The following PGAP4 variants were observed in gnomAD, a reference collection of about 807,000 sequenced individuals.
The protein encoded by PGAP4 is GPI-N-acetylgalactosamine transferase PGAP4.
PGAP4 carries 12 observed loss-of-function variants against 28.2 expected under a neutral mutation model. The ratio of observed to expected loss-of-function variants is 0.42; its 90% CI spans 0.27 to 0.69. The LOEUF (loss-of-function observed/expected upper bound fraction) is 0.69, where lower values mean the gene tolerates loss of function less well. Ranked by LOEUF, PGAP4 falls within the 30% of genes least tolerant of loss-of-function variation. PGAP4 has a pLI of 0.22. For synonymous variants in PGAP4, 205 were observed against 211.8 expected (o/e 0.97, Z 0.28); for missense variants, 425 against 513.5 (o/e 0.83, Z 1.67).
intron 2 of PGAP4, among the ~76,000 whole-genome samples, chr9:101,529,096 TG>T (rs1564103552): frequency 6.6e-6 from 1 of 151,974 alleles, no homozygotes. Context: ...GCTGCATCCA[TG>T]TCCCTGCAAA....
upstream of PGAP4, among the ~76,000 whole-genome samples, chr9:101,490,892 T>A (rs1365514978): frequency 6.6e-6 from 1 of 152,212 alleles, no homozygotes; most frequent in Non-Finnish European, 1.5e-5. Flanking sequence ...CCTGGATGTC[T>A]GAATTCTCGC....
intron 2 of PGAP4, among the ~76,000 whole-genome samples, chr9:101,520,679 T>G (rs1009005768): frequency 2.0e-5 from 3 of 152,296 alleles, no homozygotes; most frequent in Admixed American, 1.3e-4. Context: ...ACAGTTTGAC[T>G]TCCTCTTTAC....
Position 101,476,121 on chromosome 9 carries a change from G to A in PGAP4, c.972C>T (p.Tyr324=), listed in dbSNP as rs768791245. The A allele has an allele frequency of 2.5e-6, 4 of 1,614,060 alleles. No homozygotes were observed. In the South Asian group the frequency reaches 3.3e-5, roughly 13 times the overall value. ...AACACTGAGAGGCAGGAACCACACT[G>A]TACAGGGAAGGACTCAGCCGCCGCA... ...LELRRLSPSL[Y]SVVPASQCCT... is the part of the protein sequence containing the mutation. The change falls in exon 2 of 2, where the codon TAC becomes TAT. Residue 324 remains tyrosine (Y), a synonymous_variant. Coordinates refer to ENST00000374848, the MANE Select transcript of PGAP4 (RefSeq NM_032342.3). This position sits in a 1 kb window ranked among gnomAD's most constrained non-coding sequence, Gnocchi z 7.0.
intron 2 of PGAP4, among the ~76,000 whole-genome samples, chr9:101,498,637 T>A (rs1448961291): frequency 6.6e-6 from 1 of 151,954 alleles, no homozygotes; most frequent in Admixed American, 6.6e-5. Flanking sequence ...AAATACTACA[T>A]GTTAACTGTA....
intron 2 of PGAP4, among the ~76,000 whole-genome samples, chr9:101,523,550 A>G (rs1444697417): frequency 1.0e-5 from 1 of 97,390 alleles, no homozygotes; most frequent in East Asian, 3.6e-4. Flanking sequence ...AAGTTTCCTG[A>G]ATTTTTCATT....
chr9:101,510,749 C>A (rs1380457684), intron 2 of PGAP4, among the ~76,000 whole-genome samples: 1 of 152,036 alleles, frequency 6.6e-6, no homozygotes, highest in Admixed American at 6.6e-5. Flanking sequence ...GTACACAATG[C>A]GGGAAAGAGT....
chr9:101,499,995 C>T (rs1026172003), intron 2 of PGAP4, among the ~76,000 whole-genome samples: 1 of 151,524 alleles, frequency 6.6e-6, no homozygotes, highest in Admixed American at 6.6e-5. Context: ...TAATATACAG[C>T]CCTTGTTTAA....
intron 2 of PGAP4, among the ~76,000 whole-genome samples, chr9:101,521,222 G>A (rs1270312724): frequency 2.6e-5 from 4 of 152,118 alleles, no homozygotes; most frequent in Admixed American, 1.3e-4. Context: ...TTAGGGTGAT[G>A]CTGGCTTCAT....
chr9:101,502,381 T>C (rs1434687331), intron 2 of PGAP4, among the ~76,000 whole-genome samples: 1 of 152,072 alleles, frequency 6.6e-6, no homozygotes, highest in Admixed American at 6.6e-5. Flanking sequence ...AATGGATGAG[T>C]TCTCATGGAG....
intron 2 of PGAP4, among the ~76,000 whole-genome samples, chr9:101,524,665 C>T: frequency 6.6e-6 from 1 of 152,186 alleles, no homozygotes; most frequent in Non-Finnish European, 1.5e-5. Context: ...GCTTCCTCTA[C>T]CCCTGTATTT....
Position 101,509,450 on chromosome 9 carries a change from C to A in PGAP4, c.-164-20250G>T, listed in dbSNP as rs549787414. 2.8e-4 allele frequency among the ~76,000 whole-genome samples: 43 copies of A among 152,272 alleles called. No homozygotes were observed. The South Asian group carries it at 8.9e-3, about 32-fold the overall frequency. On this transcript the variant is annotated intron_variant, in intron 2 of 3. Coordinates refer to the PGAP4 transcript ENST00000374851. Reference sequence around the variant, plus strand: ...GCAAGTTTTGTGACCCATACTGTGTCACTGAAATGTGCTGCCAGTGGTGAC... The same window carrying A: ...GCAAGTTTTGTGACCCATACTGTGTAACTGAAATGTGCTGCCAGTGGTGAC...
Position 101,475,395 on chromosome 9 carries a change from C to T in PGAP4, c.*486G>A, listed in dbSNP as rs1470657785. 6.1e-6 allele frequency: 1 copy of T among 163,494 alleles called. No homozygotes were observed. Among genetic ancestry groups the T allele is most frequent in the East Asian group, 1.7e-4 (1 of 5,780 alleles). The allele number at this position is 163,494 out of a possible 1,614,324, so 10.1% of individuals were successfully genotyped here. A position where few individuals can be genotyped will look rare whatever the true frequency, so the allele number is the denominator to read the frequency against. On this transcript the variant is annotated 3_prime_UTR_variant, in exon 2 of 2. Coordinates refer to ENST00000374848, the MANE Select transcript of PGAP4 (RefSeq NM_032342.3). ...ATCAGGTCAAGGAAACAAATGGAAT[C>T]TATCCACATGGTCCTGCCTCGTTGG...
upstream of PGAP4, among the ~76,000 whole-genome samples, chr9:101,491,577 C>T (rs1362571608): frequency 6.6e-6 from 1 of 151,908 alleles, no homozygotes; most frequent in Middle Eastern, 3.2e-3. Flanking sequence ...ATATTGACTA[C>T]CTGATTCAGA....
intron 2 of PGAP4, among the ~76,000 whole-genome samples, chr9:101,525,626 T>C (rs1827029159): frequency 6.8e-6 from 1 of 146,458 alleles, no homozygotes. Flanking sequence ...GAGAATCACT[T>C]GAACCCGAGA....
At chr9:101,527,283 A>G (rs911538276) in intron 2 of PGAP4, among the ~76,000 whole-genome samples, 1 of 152,152 alleles carries the variant, frequency 6.6e-6, no homozygotes, top group Non-Finnish European at 1.5e-5. Context: ...CTGAGTCAGG[A>G]AAGGGGTGCT....
At chr9:101,479,552 GGA>G (rs1266935983) in intron 1 of PGAP4, among the ~76,000 whole-genome samples, 7 of 152,028 alleles carry the variant, frequency 4.6e-5, no homozygotes, top group Admixed American at 4.6e-4. Flanking sequence ...ATCCTACTGG[GGA>G]CAATAAAATC....
At chr9:101,496,744 C>T (rs772050691) in intron 2 of PGAP4, among the ~76,000 whole-genome samples, 2 of 150,792 alleles carry the variant, frequency 1.3e-5, no homozygotes, top group Non-Finnish European at 3.0e-5. Flanking sequence ...ATTTACCATA[C>T]AAAATTTTTT....
intron 2 of PGAP4, among the ~76,000 whole-genome samples, chr9:101,504,440 C>T (rs1422400868): frequency 6.6e-6 from 1 of 151,678 alleles, no homozygotes; most frequent in Non-Finnish European, 1.5e-5. Flanking sequence ...ATTCTGGCAA[C>T]CACAAAGGGA....
intron 1 of PGAP4, among the ~76,000 whole-genome samples, chr9:101,483,398 GACTATTAAGCCCATTTTAT>G (rs1826540062): frequency 6.6e-6 from 1 of 152,092 alleles, no homozygotes. Flanking sequence ...CAAGAAGTAT[GACTATTAAGCCCATTTTAT>G]ACTTTAGAAA....
Sources: gnomAD v4.1 joint callset for allele counts (sites outside exome capture counted in the v4.1 genomes callset) on GRCh38, gnomAD v4.1.1 for gene constraint, Gnocchi (gnomAD v3.1) non-coding constraint, MANE v1.5 for transcripts, NCBI Gene and HGNC (gene_info 2026-07-23, HGNC 2026-07-21) for gene names.